Variants in RCN3 observed in about 807,000 individuals in gnomAD.
RCN3 encodes reticulocalbin 3.
RCN3 carries 41 observed loss-of-function variants against 35.9 expected under a neutral mutation model. That is an observed-to-expected ratio of 1.14 (90% confidence interval 0.89 to 1.48). The LOEUF (loss-of-function observed/expected upper bound fraction) is 1.48, where lower values mean the gene tolerates loss of function less well. RCN3 is among the 40% of genes most tolerant of loss of function. The pLI, the probability that RCN3 is intolerant of heterozygous loss-of-function variation, is 0.00. For synonymous variants in RCN3, 187 were observed against 193.4 expected (o/e 0.97, Z 0.27); for missense variants, 451 against 471.3 (o/e 0.96, Z 0.40).
At chr19:49,538,226 G>A (rs1300774196) in intron 4 of RCN3, among the ~76,000 whole-genome samples, 3 of 148,022 alleles carry the variant, frequency 2.0e-5, no homozygotes, top group East Asian at 4.0e-4. Context: ...GCAGTGATGC[G>A]ATCTCGGCTC....
chr19:49,535,680 C>T (rs1004363905), intron 3 of RCN3, among the ~76,000 whole-genome samples: 24 of 151,624 alleles, frequency 1.6e-4, no homozygotes, highest in Non-Finnish European at 3.4e-4. Context: ...GGCAAAACCC[C>T]GTCTTACCAC....
At chr19:49,538,686 C>A (rs2080148631) in intron 4 of RCN3, among the ~76,000 whole-genome samples, 1 of 152,136 alleles carries the variant, frequency 6.6e-6, no homozygotes, top group Non-Finnish European at 1.5e-5. Flanking sequence ...GGCACAAAAA[C>A]AAGGAGCGGA....
In RCN3 at chr19:49,543,491, C is replaced by G; in HGVS notation, c.*278C>G. On this transcript the variant is annotated 3_prime_UTR_variant, in exon 7 of 7. Transcript: ENST00000270645. Reference sequence around the variant, plus strand: ...GGGACCCTTGGCCCCAAGCTCAGCTCTAAGAACCGCCCCAACCCCTCCAGC... The same window carrying G: ...GGGACCCTTGGCCCCAAGCTCAGCTGTAAGAACCGCCCCAACCCCTCCAGC... The G allele has an allele frequency of 2.1e-6, 1 of 470,494 alleles. No homozygotes were observed. Among genetic ancestry groups the G allele is most frequent in the Non-Finnish European group, 3.9e-6 (1 of 257,560 alleles). The allele number at this position is 470,494 out of a possible 1,614,324, so 29.1% of individuals were successfully genotyped here.
At chr19:49,531,509 A>C (rs117411536) in intron 2 of RCN3, among the ~76,000 whole-genome samples, 6 of 152,144 alleles carry the variant, frequency 3.9e-5, no homozygotes, top group Admixed American at 1.3e-4. Flanking sequence ...GAGCTGACTT[A>C]GGTTTTGAGA....
chr19:49,541,723 T>A (rs112212888), intron 5 of RCN3, among the ~76,000 whole-genome samples: 15,374 of 151,770 alleles, frequency 0.1, 998 homozygotes, highest in African/African-American at 0.18. Context: ...CACTCCAGCC[T>A]GTAATCCCAG....
intron 2 of RCN3, 80 bp downstream of exon 2, chr19:49,528,794 A>G (rs2080094625): frequency 1.4e-6 from 2 of 1,415,914 alleles, no homozygotes; most frequent in African/African-American, 3.0e-5. Context: ...GGGGTCAGAG[A>G]AATGGCGTGG....
chr19:49,528,588 C>G lies in RCN3; in HGVS notation c.116C>G (p.Pro39Arg). 6.2e-7 allele frequency: 1 copy of G among 1,610,022 alleles called. No homozygotes were observed. The highest frequency in any genetic ancestry group is 1.3e-5 in the African/African-American group (1 of 74,716). The change falls in exon 2 of 7, where the codon CCC (proline) becomes CGC (arginine). Residue 39 changes from proline to arginine, a missense_variant. Physicochemically the swap from Pro to Arg is moderately radical, Grantham distance 103. Transcript: ENST00000270645. ...CAGGGGAGGGTGCACCAGGCGGCCCCCCTGAGCGACGCTCCCCATGATGAC... is the reference window on the plus strand; with the variant it reads ...CAGGGGAGGGTGCACCAGGCGGCCCGCCTGAGCGACGCTCCCCATGATGAC... ...HGQGRVHQAAPLSDAPHDDAH... is the reference protein window; with the variant it reads ...HGQGRVHQAARLSDAPHDDAH...
rs2080170157 is a variant in RCN3 at position 49,542,881 on chromosome 19, A to G, written c.879+129A>G. The G allele has an allele frequency of 4.2e-6, 4 of 945,780 alleles. No homozygotes were observed. In the Admixed American group the frequency reaches 8.4e-5, roughly 20 times the overall value. The allele number at this position is 945,780 out of a possible 1,614,324, so 58.6% of individuals were successfully genotyped here. On this transcript the variant is annotated intron_variant, in intron 6 of 6. Coordinates refer to ENST00000270645, the MANE Select transcript of RCN3 (RefSeq NM_020650.3). ...GTGGGATAAAAAAAGAGGGACAGAG[A>G]GAGGGAGGAAAAGAGAGGGCACGGA... is the stretch of plus-strand genomic sequence containing the variant.
chr19:49,538,307 C>T (rs971718486), intron 4 of RCN3, among the ~76,000 whole-genome samples: 6 of 151,272 alleles, frequency 4.0e-5, no homozygotes, highest in African/African-American at 2.4e-5. Context: ...GGACTACAGG[C>T]GCATGCCGCC....
At chr19:49,534,014 G>C (rs927512549) in intron 2 of RCN3, among the ~76,000 whole-genome samples, 179 bp from the exon 3 acceptor site, 1 of 152,144 alleles carries the variant, frequency 6.6e-6, no homozygotes. Flanking sequence ...AGGCTGAGGG[G>C]TAGGGTCCTC....
At chr19:49,536,662 G>A (rs2080137139) in intron 3 of RCN3, among the ~76,000 whole-genome samples, 1 of 146,734 alleles carries the variant, frequency 6.8e-6, no homozygotes, top group African/African-American at 2.5e-5. Flanking sequence ...AGGCTGGAAA[G>A]CAGTGGTGCA....
At chr19:49,535,145 C>T (rs1156851165) in intron 3 of RCN3, among the ~76,000 whole-genome samples, 3 of 152,174 alleles carry the variant, frequency 2.0e-5, no homozygotes, top group African/African-American at 4.8e-5. Flanking sequence ...CCAGCCGGGA[C>T]GTTTCCTCCT....
rs2080167801 is a variant in RCN3, at chr19:49,542,560, GTA to G, written c.688_689del (p.Tyr230LeufsTer35). 1 of 1,597,066 alleles carries G rather than the reference GTA, an allele frequency of 6.3e-7. No homozygotes were observed. The highest frequency in any genetic ancestry group is 1.8e-5 in the Admixed American group (1 of 56,670). The part of the protein sequence containing the change: ...VQVEEYIADL[Y>X]SAEPGEEEPA... The stretch of plus-strand genomic sequence containing the variant: ...CTCTGTCCCGGCCCCCAGCGGATCT[GTA>G]CTCAGCCGAGCCTGGGGAGGAGGAG... On this transcript the variant is annotated frameshift_variant, in exon 6 of 7. Transcript: ENST00000270645. LOFTEE classifies it high-confidence loss of function.
At chr19:49,531,952 C>T (rs953656602) in intron 2 of RCN3, among the ~76,000 whole-genome samples, 5 of 151,070 alleles carry the variant, frequency 3.3e-5, no homozygotes, top group Admixed American at 6.6e-5. Flanking sequence ...AGGCGCCCAC[C>T]ACCACGCCCA....
rs576758094 is a variant in RCN3 at position 49,539,791 on chromosome 19, C to T, written c.679+612C>T. Among the ~76,000 whole-genome samples the T allele has an allele frequency of 3.0e-4, 43 of 141,204 alleles. No homozygotes were observed. In the South Asian group the frequency reaches 3.8e-3, roughly 12 times the overall value. 92.6% of individuals were successfully genotyped at this position (141,204 alleles called of 152,430 possible). A position where few individuals can be genotyped will look rare whatever the true frequency, so the allele number is the denominator to read the frequency against. On this transcript the variant is annotated intron_variant, in intron 5 of 6. Coordinates refer to ENST00000270645, the MANE Select transcript of RCN3 (RefSeq NM_020650.3). ...AGGCTGGAGCGCGGTGGCGTGGTAT[C>T]GGCTCTCTGCAACCTCCGCCTCCCG...
At chr19:49,531,187 C>T (rs569446060) in intron 2 of RCN3, among the ~76,000 whole-genome samples, 8 of 152,266 alleles carry the variant, frequency 5.3e-5, no homozygotes, top group South Asian at 2.1e-4. Flanking sequence ...AGCATGGTGG[C>T]GTGCTCCTGT....
intron 5 of RCN3, 46 bp from the exon 6 acceptor site, chr19:49,542,507 C>A (rs1424144070): frequency 6.3e-6 from 9 of 1,436,686 alleles, no homozygotes; most frequent in Non-Finnish European, 8.6e-6. Flanking sequence ...CTCCACTAGA[C>A]CCCCAGAGCT....
At chr19:49,539,073 A>G in intron 4 of RCN3, 46 bp from the exon 5 acceptor site, 1 of 1,464,352 alleles carries the variant, frequency 6.8e-7, no homozygotes, top group Non-Finnish European at 9.3e-7. Context: ...CTCCCCCAGG[A>G]GCCAGGGTCA....
Position 49,543,102 on chromosome 19 carries a change from C to A in RCN3, c.880-4C>A. 6.2e-7 allele frequency: 1 copy of A among 1,613,640 alleles called. No individual in the cohort carries two copies. On this transcript the variant is annotated splice_region_variant and splice_polypyrimidine_tract_variant and intron_variant, in intron 6 of 6. Coordinates refer to ENST00000270645, the MANE Select transcript of RCN3 (RefSeq NM_020650.3). ...TCCCCTCTGAACCCTGACCCTCCCTCCAGGATGGGCGGCTGAGCAAAGCGG... is the reference window on the plus strand; with the variant it reads ...TCCCCTCTGAACCCTGACCCTCCCTACAGGATGGGCGGCTGAGCAAAGCGG...
Sources: allele counts gnomAD v4.1 joint callset (sites outside exome capture counted in the v4.1 genomes callset), GRCh38; gene constraint gnomAD v4.1.1; transcripts MANE v1.5; gene names NCBI Gene and HGNC (gene_info 2026-07-23, HGNC 2026-07-21).